The following BRPF3 variants were observed in gnomAD, a reference collection of about 807,000 sequenced individuals.
BRPF3 encodes the protein bromodomain and PHD finger containing 3, also known as bromodomain and PHD finger-containing protein 3.
In BRPF3, 18 loss-of-function variants were observed where a neutral mutation model predicts 102.0. That is an observed-to-expected ratio of 0.18 (90% CI 0.12 to 0.26). The LOEUF (loss-of-function observed/expected upper bound fraction) is 0.26, where lower values mean the gene tolerates loss of function less well. Ranked by LOEUF, BRPF3 falls within the 10% of genes least tolerant of loss-of-function variation. BRPF3 has a pLI of 1.00. For missense variants in BRPF3, 1,147 were observed against 1,567.8 expected (o/e 0.73, Z 4.53); for synonymous variants, 570 against 614.2 (o/e 0.93, Z 1.06).
Position 36,202,103 on chromosome 6 carries a change from T to C in BRPF3, c.1448+333T>C, listed in dbSNP as rs1767726594. 2.0e-5 allele frequency among the ~76,000 whole-genome samples: 3 copies of C among 152,332 alleles called. No individual in the cohort carries two copies. The South Asian group carries it at 6.2e-4, about 32-fold the overall frequency. On this transcript the variant is annotated intron_variant, in intron 2 of 12. Coordinates refer to ENST00000357641, the MANE Select transcript of BRPF3 (RefSeq NM_015695.3). ...CGTTATTAGAAGTGTCCTGTACATT[T>C]CTAGATGTTTAGTATCCCTGGTCTT...
In BRPF3 at chr6:36,209,776, C is replaced by G; in HGVS notation, c.1738-11C>G. 1.9e-6 allele frequency: 3 copies of G among 1,613,370 alleles called. No individual in the cohort carries two copies. In the South Asian group the frequency reaches 3.3e-5, roughly 18 times the overall value. On this transcript the variant is annotated splice_polypyrimidine_tract_variant and intron_variant, in intron 4 of 12. Coordinates refer to ENST00000357641, the MANE Select transcript of BRPF3 (RefSeq NM_015695.3). ...ATGTTCTGATCTGATCTCACCCCAC[C>G]TTCCCCACAGGTCAAAGTCCAGCAG...
rs752137952 is a variant in BRPF3 at position 36,200,012 on chromosome 6, G to A, written c.-26-285G>A. 1.1e-4 allele frequency among the ~76,000 whole-genome samples: 17 copies of A among 152,202 alleles called. No individual in the cohort carries two copies. Among genetic ancestry groups the A allele is most frequent in the Non-Finnish European group, 2.2e-4 (15 of 68,028 alleles). On this transcript the variant is annotated intron_variant, in intron 1 of 12. Transcript: ENST00000357641. The surrounding 1 kb of genome is among the most constrained non-coding windows in gnomAD (Gnocchi z 5.3). ...TGTAGCATGGTATAAGATGATGAAT[G>A]TTAAAGGGAAAAATAAAGCAGAATG...
chr6:36,198,463 C>T (rs190169112), intron 1 of BRPF3, among the ~76,000 whole-genome samples: 12 of 152,228 alleles, frequency 7.9e-5, no homozygotes, highest in African/African-American at 2.9e-4. Flanking sequence ...TTCTTAATTC[C>T]CACTGAGAGG....
intron 3 of BRPF3, among the ~76,000 whole-genome samples, chr6:36,206,679 G>A (rs1395341986): frequency 6.6e-6 from 1 of 152,108 alleles, no homozygotes; most frequent in Non-Finnish European, 1.5e-5. Context: ...TCACCTACCT[G>A]TATGTTAAAC....
chr6:36,222,748 A>C (rs936403357), intron 10 of BRPF3, among the ~76,000 whole-genome samples: 1 of 152,172 alleles, frequency 6.6e-6, no homozygotes, highest in African/African-American at 2.4e-5. Context: ...GTGTCCCATT[A>C]TATAGGAATG....
At chr6:36,211,680 A>G in intron 7 of BRPF3, 120 bp downstream of exon 7, 2 of 1,187,616 alleles carry the variant, frequency 1.7e-6, no homozygotes. Context: ...GGGCAAGCAA[A>G]AGTGCTTGGA....
intron 1 of BRPF3, 62 bp downstream of exon 1, chr6:36,197,032 C>T (rs1182203078): frequency 6.6e-6 from 1 of 150,404 alleles, no homozygotes; most frequent in Non-Finnish European, 1.5e-5. Context: ...CCTTCGGGGA[C>T]CAGGGACTGC....
At position 36,210,622 on chromosome 6, in the gene BRPF3, A is replaced by G. The variant is rs1218728275; in HGVS notation, c.2179+94A>G. 16 of 1,208,494 alleles carry G rather than the reference A, an allele frequency of 1.3e-5. No homozygotes were observed. The highest frequency in any genetic ancestry group is 4.5e-5 in the South Asian group (3 of 66,910). The allele number at this position is 1,208,494 out of a possible 1,614,324, so 74.9% of individuals were successfully genotyped here. On this transcript the variant is annotated intron_variant, in intron 6 of 12. Coordinates refer to ENST00000357641, the MANE Select transcript of BRPF3 (RefSeq NM_015695.3). This position sits in a 1 kb window ranked among gnomAD's most constrained non-coding sequence, Gnocchi z 4.7. ...AGGGATCAGGGTGGTCCTTGGGGCT[A>G]TAGGTAGACTCCAGGAGCAAAGCTG...
intron 11 of BRPF3, among the ~76,000 whole-genome samples, chr6:36,228,346 C>A (rs944481717): frequency 6.6e-6 from 1 of 152,190 alleles, no homozygotes; most frequent in African/African-American, 2.4e-5. Context: ...AGAAGCAAAC[C>A]TGAAGGAGAA....
intron 7 of BRPF3, 37 bp downstream of exon 7, chr6:36,211,597 G>A: frequency 6.5e-7 from 1 of 1,540,472 alleles, no homozygotes. Flanking sequence ...GGGTTGGAGG[G>A]TAAAGAGGGA....
intron 5 of BRPF3, 80 bp downstream of exon 5, chr6:36,209,995 C>T: frequency 2.5e-6 from 4 of 1,569,128 alleles, no homozygotes; most frequent in Non-Finnish European, 3.5e-6. Flanking sequence ...GGAGTTGGGC[C>T]ACAGGGTGTA....
In BRPF3 at chr6:36,230,746, TA is replaced by T; in HGVS notation, c.*139del. 1 of 1,130,772 alleles carries T rather than the reference TA, an allele frequency of 8.8e-7. No individual in the cohort carries two copies. Among genetic ancestry groups the T allele is most frequent in the Non-Finnish European group, 1.2e-6 (1 of 808,774 alleles). The allele number at this position is 1,130,772 out of a possible 1,614,324, so 70.0% of individuals were successfully genotyped here. On this transcript the variant is annotated 3_prime_UTR_variant, in exon 13 of 13. Transcript: ENST00000357641. The surrounding 1 kb of genome is among the most constrained non-coding windows in gnomAD (Gnocchi z 5.4). Reference sequence around the variant, plus strand: ...GCCAGGGACTGGGCTTTCTCCCCACTAAGGGCAAGGCCCCAGTTTTGACCAA... The same window carrying T: ...GCCAGGGACTGGGCTTTCTCCCCACTAGGGCAAGGCCCCAGTTTTGACCAA...
rs1301101235 is a variant in BRPF3 at position 36,215,258 on chromosome 6, G to A, written c.2989+872G>A. On this transcript the variant is annotated intron_variant, in intron 8 of 12. Coordinates refer to ENST00000357641, the MANE Select transcript of BRPF3 (RefSeq NM_015695.3). ...CAGCCTCCCAAGTAGCTGGACTACA[G>A]GTGCCCACCACCACGCCTTGCTAAT... Among the ~76,000 whole-genome samples, 9 of 152,234 alleles carry A rather than the reference G, an allele frequency of 5.9e-5. No individual in the cohort carries two copies. The East Asian group carries it at 9.7e-4, about 16-fold the overall frequency.
At chr6:36,206,443 C>G (rs192314896) in intron 3 of BRPF3, among the ~76,000 whole-genome samples, 1 of 152,206 alleles carries the variant, frequency 6.6e-6, no homozygotes, top group Non-Finnish European at 1.5e-5. Context: ...ATATACTCCT[C>G]TTTCTAGGCA....
rs999698866 is a variant in BRPF3, at chr6:36,218,708, C to G, written c.3083+698C>G. On this transcript the variant is annotated intron_variant, in intron 9 of 12. Transcript: ENST00000357641. Reference sequence around the variant, plus strand: ...TCCTGACCTCAAGTGATCTGCCCGCCGCAGCATCCCAAAGTGCTGGAATTA... The same window carrying G: ...TCCTGACCTCAAGTGATCTGCCCGCGGCAGCATCCCAAAGTGCTGGAATTA... Among the ~76,000 whole-genome samples, 3 of 152,132 alleles carry G rather than the reference C, an allele frequency of 2.0e-5. No individual in the cohort carries two copies. In the South Asian group the frequency reaches 6.2e-4, roughly 32 times the overall value.
chr6:36,211,739 C>T (rs1406462534), intron 7 of BRPF3, among the ~76,000 whole-genome samples, 179 bp downstream of exon 7: 1 of 152,190 alleles, frequency 6.6e-6, no homozygotes, highest in Non-Finnish European at 1.5e-5. Context: ...AAATATTTAA[C>T]AATCACTAGA....
chr6:36,211,545 G>C lies in BRPF3; in HGVS notation c.2467G>C (p.Asp823His). ...LEQALQEEPE[D>H]DGDRDDSKLP... ...GCAGGCCTTGCAGGAGGAGCCAGAA[G>C]ACGATGGGGACAGAGGTGAGAGATA... Residue 823 changes from aspartate to histidine, a missense_variant, in exon 7 of 13, where the codon GAC becomes CAC. Asp to His is a moderately conservative substitution (Grantham distance 81). Transcript: ENST00000357641. 1 of 1,553,784 alleles carries C rather than the reference G, an allele frequency of 6.4e-7. No homozygotes were observed. The highest frequency in any genetic ancestry group is 8.7e-7 in the Non-Finnish European group (1 of 1,147,996).
rs1318698301 is a variant in BRPF3 at position 36,204,822 on chromosome 6, C to CA, written c.1605+9dup. 1 of 1,611,142 alleles carries CA rather than the reference C, an allele frequency of 6.2e-7. No individual in the cohort carries two copies. The highest frequency in any genetic ancestry group is 8.5e-7 in the Non-Finnish European group (1 of 1,177,596). ...CAAAGAAACGCTGAGCAGGTAGGTG[C>CA]AGTGGTGATTTGAGGCTGGTAGAGG... On this transcript the variant is annotated intron_variant, in intron 3 of 12. Transcript: ENST00000357641.
At chr6:36,214,488 T>C (rs1396890689) in intron 8 of BRPF3, 102 bp downstream of exon 8, 9 of 1,362,340 alleles carry the variant, frequency 6.6e-6, no homozygotes, top group East Asian at 2.5e-5. Flanking sequence ...AATGGCACCA[T>C]TGGACAGCAA....
Sources: gnomAD v4.1 joint callset for allele counts (sites outside exome capture counted in the v4.1 genomes callset) on GRCh38, gnomAD v4.1.1 for gene constraint, Gnocchi (gnomAD v3.1) non-coding constraint, MANE v1.5 for transcripts, NCBI Gene and HGNC (gene_info 2026-07-23, HGNC 2026-07-21) for gene names.